Variants in ZMYM2 observed in about 807,000 individuals in gnomAD.
The protein encoded by ZMYM2 is zinc finger MYM-type containing 2.
A neutral mutation model predicts 162.8 loss-of-function variants in ZMYM2; 56 were observed. That is an observed-to-expected ratio of 0.34 (90% CI 0.28 to 0.43). The LOEUF is 0.43. Among genes scored for constraint, ZMYM2 ranks in the 20% least tolerant of loss-of-function variants. The pLI, the probability that ZMYM2 is intolerant of heterozygous loss-of-function variation, is 1.00. For synonymous variants in ZMYM2, 510 were observed against 541.6 expected (o/e 0.94, Z 0.81); for missense variants, 1,275 against 1,621.8 (o/e 0.79, Z 3.67).
Position 20,066,892 on chromosome 13 carries a change from T to G in ZMYM2, c.3174T>G (p.Asp1058Glu). The change falls in exon 20 of 25, where the codon GAT (aspartate) becomes GAG (glutamate). Residue 1058 changes from aspartate (D) to glutamate (E), a missense_variant. By Grantham distance (45) the Asp-to-Glu change is conservative (BLOSUM62 2). Transcript: ENST00000610343. ...RKAVSGYQSHDDSSDNSECSF... is the reference protein window; with the variant it reads ...RKAVSGYQSHEDSSDNSECSF... ...CTGTATCAGGATACCAGTCTCATGATGATAGTTCTGACAATTCAGAATGCA... is the reference window on the plus strand; with the variant it reads ...CTGTATCAGGATACCAGTCTCATGAGGATAGTTCTGACAATTCAGAATGCA... The G allele has an allele frequency of 6.2e-7, 1 of 1,612,170 alleles. No homozygotes were observed. The highest frequency in any genetic ancestry group is 8.5e-7 in the Non-Finnish European group (1 of 1,179,028).
At chr13:19,907,049 T>G in the ZMYM2 span, among the ~76,000 whole-genome samples, 1 of 152,114 alleles carries the variant, frequency 6.6e-6, no homozygotes, top group Non-Finnish European at 1.5e-5. Flanking sequence ...CTTTTACCTC[T>G]TGTTCATAAT....
chr13:20,037,023 C>G, intron 12 of ZMYM2, 114 bp downstream of exon 12: 1 of 967,618 alleles, frequency 1.0e-6, no homozygotes. Flanking sequence ...CACTTAAGGC[C>G]CAGCCCTGAT....
intron 6 of ZMYM2, among the ~76,000 whole-genome samples, chr13:20,018,160 T>A (rs1951775722): frequency 1.3e-5 from 2 of 152,244 alleles, no homozygotes; most frequent in Admixed American, 1.3e-4. Flanking sequence ...TTCCTTATAC[T>A]GTTCCCCACA....
At chr13:19,881,195 T>TA in the ZMYM2 span, among the ~76,000 whole-genome samples, 1 of 152,166 alleles carries the variant, frequency 6.6e-6, no homozygotes, top group Non-Finnish European at 1.5e-5. Context: ...CCAGGAATCT[T>TA]AAAGTTTTGT....
intron 12 of ZMYM2, among the ~76,000 whole-genome samples, chr13:20,042,654 C>G (rs9805591): frequency 1.3e-5 from 2 of 152,172 alleles, no homozygotes; most frequent in African/African-American, 4.8e-5. Context: ...TGTGCGAGTT[C>G]TTTTTCATCT....
At chr13:19,976,772 T>C (rs185339641) in intron 2 of ZMYM2, among the ~76,000 whole-genome samples, 2 of 152,230 alleles carry the variant, frequency 1.3e-5, no homozygotes, top group African/African-American at 4.8e-5. Context: ...TATGTATATG[T>C]CTTTTAGGTC....
chr13:20,057,797 A>G lies in ZMYM2; in HGVS notation c.2494-778A>G, dbSNP rs188211676. 1.2e-4 allele frequency among the ~76,000 whole-genome samples: 19 copies of G among 152,322 alleles called. No individual in the cohort carries two copies. The East Asian group carries it at 3.1e-3, about 25-fold the overall frequency. ...ACAGGAACCTAATCTTGTATTTCCC[A>G]TTGCAGCAGTGGTTCAGTAGTCATT... On this transcript the variant is annotated intron_variant, in intron 14 of 24. Transcript: ENST00000610343.
chr13:19,894,439 G>A, the ZMYM2 span, among the ~76,000 whole-genome samples: 719 of 150,918 alleles, frequency 4.8e-3, 8 homozygotes, highest in Admixed American at 7.3e-3. Context: ...TCTGCCTCCC[G>A]GGTTCGAATG....
chr13:19,959,317 C>G (rs1476464549), intron 1 of ZMYM2, among the ~76,000 whole-genome samples: 1 of 152,084 alleles, frequency 6.6e-6, no homozygotes, highest in Non-Finnish European at 1.5e-5. Flanking sequence ...CCCACCCTGT[C>G]CACCGGAGCC....
the ZMYM2 span, among the ~76,000 whole-genome samples, chr13:19,940,033 C>T: frequency 2.6e-4 from 39 of 152,024 alleles, no homozygotes; most frequent in Non-Finnish European, 2.4e-4. Context: ...TAACACAATA[C>T]TATTCAATTT....
intron 7 of ZMYM2, chr13:20,024,864 A>G (rs1303905491): frequency 4.6e-6 from 1 of 216,048 alleles, no homozygotes; most frequent in Non-Finnish European, 9.3e-6. Context: ...TTCCACTTTG[A>G]AAAGCAAAGT....
the ZMYM2 span, among the ~76,000 whole-genome samples, chr13:19,881,178 T>G: frequency 1.3e-5 from 2 of 152,098 alleles, no homozygotes; most frequent in Non-Finnish European, 2.9e-5. Context: ...TGAGCCACTG[T>G]GCCTGGCCAG....
At chr13:19,884,753 A>C in the ZMYM2 span, among the ~76,000 whole-genome samples, 1 of 152,290 alleles carries the variant, frequency 6.6e-6, no homozygotes, top group African/African-American at 2.4e-5. Flanking sequence ...TAAATGTTAC[A>C]GCTCTTCAAC....
At chr13:20,014,350 G>A (rs757591708) in intron 6 of ZMYM2, among the ~76,000 whole-genome samples, 1 of 152,128 alleles carries the variant, frequency 6.6e-6, no homozygotes, top group Non-Finnish European at 1.5e-5. Context: ...GGGATTATAG[G>A]CATGATCCAC....
the ZMYM2 span, among the ~76,000 whole-genome samples, chr13:19,921,816 T>C: frequency 6.6e-6 from 1 of 152,092 alleles, no homozygotes; most frequent in Non-Finnish European, 1.5e-5. Context: ...TTAATATAAG[T>C]GGAGAGTTTA....
the ZMYM2 span, among the ~76,000 whole-genome samples, chr13:19,888,208 A>G: frequency 6.6e-6 from 1 of 150,744 alleles, no homozygotes; most frequent in Non-Finnish European, 1.5e-5. Context: ...GTTTTTTTTG[A>G]GACAGTGTCT....
chr13:19,965,205 C>T (rs1484919217), intron 2 of ZMYM2: 2 of 1,269,418 alleles, frequency 1.6e-6, no homozygotes, highest in East Asian at 1.0e-4. Flanking sequence ...GAGACAAATT[C>T]TTTTTACTTT....
At chr13:19,944,505 G>T in the ZMYM2 span, among the ~76,000 whole-genome samples, 1 of 152,130 alleles carries the variant, frequency 6.6e-6, no homozygotes, top group South Asian at 2.1e-4. Context: ...TGTAGAAAAA[G>T]AATACATACT....
chr13:19,964,238 T>C (rs1028044776), intron 2 of ZMYM2, among the ~76,000 whole-genome samples: 1 of 152,064 alleles, frequency 6.6e-6, no homozygotes, highest in Non-Finnish European at 1.5e-5. Flanking sequence ...TAGTCAGGCA[T>C]GGTGGTAGGC....
Sources: gnomAD v4.1 joint callset for allele counts (sites outside exome capture counted in the v4.1 genomes callset) on GRCh38, gnomAD v4.1.1 for gene constraint, MANE v1.5 for transcripts, NCBI Gene and HGNC (gene_info 2026-07-23, HGNC 2026-07-21) for gene names.